TANK: variants seen among roughly 807,000 people sequenced by gnomAD.
TANK encodes TRAF family member associated NFKB activator.
A neutral mutation model predicts 43.6 loss-of-function variants in TANK; 15 were observed. The observed-to-expected ratio is 0.34, with a 90% confidence interval of 0.23 to 0.53. The LOEUF (loss-of-function observed/expected upper bound fraction) is 0.53, where lower values mean the gene tolerates loss of function less well. Among genes scored for constraint, TANK ranks in the 20% least tolerant of loss-of-function variants. The probability of loss-of-function intolerance (pLI) is 0.94; values close to 1 mark genes in which losing one functional copy is unlikely to be tolerated. For synonymous variants in TANK, 162 were observed against 178.2 expected (o/e 0.91, Z 0.73); for missense variants, 417 against 498.6 (o/e 0.84, Z 1.56).
At chr2:161,156,251 T>A (rs1003728757), upstream of TANK, 4 of 985,458 alleles carry the variant, frequency 4.1e-6, no homozygotes, top group South Asian at 1.9e-4. Flanking sequence ...TTTACTCTAA[T>A]CATTGATTTA....
At chr2:161,207,558 G>A in intron 4 of TANK, 2 of 983,854 alleles carry the variant, frequency 2.0e-6, no homozygotes, top group Non-Finnish European at 2.4e-6. Context: ...GTAAAAGAAT[G>A]GATAAATTAG....
chr2:161,191,695 T>A (rs1459399802), intron 2 of TANK, among the ~76,000 whole-genome samples: 1 of 152,226 alleles, frequency 6.6e-6, no homozygotes, highest in Admixed American at 6.5e-5. Context: ...ATAACTTCTC[T>A]GCCAAAAATT....
At chr2:161,194,961 T>C (rs1371483365) in intron 2 of TANK, among the ~76,000 whole-genome samples, 2 of 152,186 alleles carry the variant, frequency 1.3e-5, no homozygotes, top group Non-Finnish European at 2.9e-5. Context: ...ATAAAAGTGC[T>C]CCAGGTAGTT....
chr2:161,156,767 G>C (rs575027480), upstream of TANK, among the ~76,000 whole-genome samples: 1 of 152,142 alleles, frequency 6.6e-6, no homozygotes, highest in Non-Finnish European at 1.5e-5. Context: ...TTGTCACTGC[G>C]GGTGTTGGGC....
rs764311407 is a variant in TANK, at chr2:161,231,178, C to T, written c.728C>T (p.Ser243Leu). The change falls in exon 7 of 8, where the codon TCA becomes TTA. Residue 243 changes from serine (S) to leucine (L), a missense_variant. Physicochemically the swap from Ser to Leu is moderately radical, Grantham distance 145 (BLOSUM62 -2). Coordinates refer to ENST00000392749, the MANE Select transcript of TANK (RefSeq NM_001199135.3). ...AAGTTTCCACCTATGGACAATGACT[C>T]AACTTTCTTACATAGCACTCCAGAG... ...NVKFPPMDND[S>L]TFLHSTPERP... The T allele has an allele frequency of 3.8e-5, 62 of 1,613,846 alleles. No individual in the cohort carries two copies. In the East Asian group the frequency reaches 1.4e-3, roughly 36 times the overall value.
chr2:161,139,750 A>C (rs1683687025), intron 1 of TANK: 1 of 985,318 alleles, frequency 1.0e-6, no homozygotes, highest in Admixed American at 6.1e-5. Context: ...CAGAAAAAGA[A>C]TGAAAACAAT....
At chr2:161,208,250 C>G in intron 4 of TANK, 1 of 980,224 alleles carries the variant, frequency 1.0e-6, no homozygotes, top group South Asian at 4.7e-5. Context: ...GGGAAAGAGG[C>G]CCTTTTAGAA....
chr2:161,185,709 T>G (rs1476121224), intron 2 of TANK, among the ~76,000 whole-genome samples: 1 of 88,148 alleles, frequency 1.1e-5, no homozygotes, highest in Non-Finnish European at 2.1e-5. Flanking sequence ...CTGGGGACTG[T>G]GGTGGGGTGG....
At chr2:161,221,389 T>C (rs1049201774) in intron 4 of TANK, among the ~76,000 whole-genome samples, 1 of 152,194 alleles carries the variant, frequency 6.6e-6, no homozygotes, top group Non-Finnish European at 1.5e-5. Context: ...TTGGATTATA[T>C]TTGAGAATAG....
chr2:161,202,364 T>C (rs1686457636), intron 2 of TANK, among the ~76,000 whole-genome samples: 1 of 151,824 alleles, frequency 6.6e-6, no homozygotes, highest in South Asian at 2.1e-4. Context: ...TAATTTTTTG[T>C]ATTTTTAGTG....
At chr2:161,185,490 T>A in intron 2 of TANK, among the ~76,000 whole-genome samples, 1 of 151,792 alleles carries the variant, frequency 6.6e-6, no homozygotes, top group Admixed American at 6.6e-5. Context: ...TTTTTGTTTT[T>A]TTTTTCTTTT....
intron 1 of TANK, among the ~76,000 whole-genome samples, chr2:161,175,197 A>C (rs1368171283): frequency 6.6e-6 from 1 of 152,210 alleles, no homozygotes; most frequent in African/African-American, 2.4e-5. Flanking sequence ...AGTGGTACCC[A>C]GCACACTTCT....
chr2:161,162,355 CTT>C lies in TANK; in HGVS notation c.-50+1873_-50+1874del, dbSNP rs1352452645. On this transcript the variant is annotated intron_variant, in intron 1 of 7. Transcript: ENST00000392749. ...ACTGTTCATGCTTCATTAAAATACT[CTT>C]TTTGGGATTTAACCATTATATTTTC... 2.6e-5 allele frequency among the ~76,000 whole-genome samples: 4 copies of C among 152,076 alleles called. No individual in the cohort carries two copies. The East Asian group carries it at 5.8e-4, about 22-fold the overall frequency.
At chr2:161,147,101 G>A (rs1218521162) in intron 1 of TANK, among the ~76,000 whole-genome samples, 1 of 152,066 alleles carries the variant, frequency 6.6e-6, no homozygotes, top group Admixed American at 6.5e-5. Context: ...GGGTCTGGCC[G>A]CAGTTTGCCA....
chr2:161,180,037 GTATT>G, intron 2 of TANK: 1 of 1,056,628 alleles, frequency 9.5e-7, no homozygotes, highest in Non-Finnish European at 1.2e-6. Flanking sequence ...TAAAATATCA[GTATT>G]TATAAATAAG....
At chr2:161,220,338 C>G (rs931826188) in intron 4 of TANK, among the ~76,000 whole-genome samples, 5 of 152,186 alleles carry the variant, frequency 3.3e-5, no homozygotes, top group Admixed American at 3.3e-4. Context: ...CGCGGTGGCT[C>G]ACGCCTGTAA....
intron 1 of TANK, among the ~76,000 whole-genome samples, chr2:161,166,793 C>T (rs1684701100): frequency 1.3e-5 from 2 of 150,854 alleles, no homozygotes; most frequent in Admixed American, 1.3e-4. Flanking sequence ...GAAGCTCTGT[C>T]TCAAAAAAAA....
chr2:161,234,626 C>A (rs1032067469), intron 7 of TANK, among the ~76,000 whole-genome samples: 25 of 152,250 alleles, frequency 1.6e-4, no homozygotes, highest in African/African-American at 6.0e-4. Flanking sequence ...TTTAACCAGG[C>A]AACTATTGAC....
intron 4 of TANK, chr2:161,223,187 T>C (rs1446459712): frequency 6.6e-6 from 1 of 152,114 alleles, no homozygotes; most frequent in Non-Finnish European, 1.5e-5. Context: ...CTTTTCAGTT[T>C]ATAAGCTTTA....
Sources: gnomAD v4.1 joint callset for allele counts (sites outside exome capture counted in the v4.1 genomes callset) on GRCh38, gnomAD v4.1.1 for gene constraint, MANE v1.5 for transcripts, NCBI Gene and HGNC (gene_info 2026-07-23, HGNC 2026-07-21) for gene names.